Variants in NALF1 observed in about 807,000 individuals in gnomAD.
The protein encoded by NALF1 is family with sequence similarity 155 member A.
NALF1 carries 3 observed loss-of-function variants against 48.4 expected under a neutral mutation model. The ratio of observed to expected loss-of-function variants is 0.06; its 90% CI spans 0.03 to 0.16. The LOEUF (loss-of-function observed/expected upper bound fraction) is 0.16, where lower values mean the gene tolerates loss of function less well. NALF1 is among the 10% of genes least tolerant of loss of function. The pLI is 1.00. For missense variants in NALF1, 526 were observed against 571.5 expected (o/e 0.92, Z 0.81); for synonymous variants, 262 against 245.7 (o/e 1.07, Z -0.62).
chr13:107,449,789 C>G (rs574935593), intron 1 of NALF1, among the ~76,000 whole-genome samples: 2 of 152,138 alleles, frequency 1.3e-5, no homozygotes, highest in Non-Finnish European at 2.9e-5. Context: ...AAATATAGCA[C>G]ATAATTTGAT....
intron 1 of NALF1, among the ~76,000 whole-genome samples, chr13:107,485,777 A>C (rs1357912016): frequency 6.6e-6 from 1 of 152,178 alleles, no homozygotes; most frequent in African/African-American, 2.4e-5. Context: ...AAATTTAACC[A>C]AAATCAAAAA....
At chr13:107,674,412 C>A (rs1003564767) in intron 1 of NALF1, among the ~76,000 whole-genome samples, 53 of 152,348 alleles carry the variant, frequency 3.5e-4, no homozygotes, top group African/African-American at 1.2e-3. Flanking sequence ...GGATCACTCA[C>A]AGGTCTTTGA....
chr13:107,628,809 G>A (rs116763824), intron 1 of NALF1, among the ~76,000 whole-genome samples: 1 of 152,016 alleles, frequency 6.6e-6, no homozygotes, highest in African/African-American at 2.4e-5. Flanking sequence ...AATAATCATG[G>A]CATCTAGACA....
intron 1 of NALF1, among the ~76,000 whole-genome samples, chr13:107,727,199 C>T (rs1876183485): frequency 3.3e-5 from 5 of 151,748 alleles, no homozygotes; most frequent in Admixed American, 3.3e-4. Flanking sequence ...GCCCAAGGCA[C>T]AGCTTGCCAT....
At chr13:107,502,546 A>G (rs1191884879) in intron 1 of NALF1, among the ~76,000 whole-genome samples, 1 of 152,116 alleles carries the variant, frequency 6.6e-6, no homozygotes, top group Non-Finnish European at 1.5e-5. Flanking sequence ...TACCATCACC[A>G]CAGGTTACCT....
intron 1 of NALF1, among the ~76,000 whole-genome samples, chr13:107,286,586 CAA>C (rs1159508752): frequency 8.8e-5 from 9 of 102,098 alleles, no homozygotes; most frequent in Admixed American, 2.0e-4. Context: ...GACCCTGTCT[CAA>C]AAAAAAAAAA....
intron 1 of NALF1, among the ~76,000 whole-genome samples, chr13:107,494,134 T>C (rs1197299343): frequency 2.9e-5 from 4 of 138,676 alleles, no homozygotes; most frequent in Admixed American, 2.1e-4. Flanking sequence ...AAACAGAAGA[T>C]TGTGACATAT....
At chr13:107,323,361 C>G (rs1289853951) in intron 1 of NALF1, among the ~76,000 whole-genome samples, 2 of 152,168 alleles carry the variant, frequency 1.3e-5, no homozygotes, top group Non-Finnish European at 2.9e-5. Flanking sequence ...CTTCAAATCA[C>G]TATTTTAAAA....
intron 1 of NALF1, among the ~76,000 whole-genome samples, chr13:107,467,331 T>C (rs557860569): frequency 6.6e-6 from 1 of 152,346 alleles, no homozygotes; most frequent in African/African-American, 2.4e-5. Context: ...CTTTCATTAC[T>C]AAGAGACTAA....
intron 2 of NALF1, among the ~76,000 whole-genome samples, chr13:107,198,533 T>C (rs936867345): frequency 6.6e-6 from 1 of 152,252 alleles, no homozygotes; most frequent in Non-Finnish European, 1.5e-5. Flanking sequence ...CCAGAACTTC[T>C]GAAGCATGCA....
At chr13:107,782,703 C>A (rs1353763891) in intron 1 of NALF1, among the ~76,000 whole-genome samples, 4 of 150,804 alleles carry the variant, frequency 2.7e-5, no homozygotes, top group African/African-American at 9.8e-5. Context: ...CTTTGCCCCG[C>A]CGCCCCGTCT....
At chr13:107,618,763 G>C (rs34706156) in intron 1 of NALF1, among the ~76,000 whole-genome samples, 2 of 152,146 alleles carry the variant, frequency 1.3e-5, no homozygotes, top group African/African-American at 2.4e-5. Flanking sequence ...GTGTCATTTA[G>C]GGATACGAGG....
chr13:107,579,441 T>C (rs1878239313), intron 1 of NALF1, among the ~76,000 whole-genome samples: 1 of 152,202 alleles, frequency 6.6e-6, no homozygotes. Flanking sequence ...CTGAGGGCAC[T>C]GTGCCCCCTC....
chr13:107,386,125 T>C (rs1169261917), intron 1 of NALF1, among the ~76,000 whole-genome samples: 4 of 152,220 alleles, frequency 2.6e-5, no homozygotes. Flanking sequence ...ATTATCTTCC[T>C]TTACATGTTT....
intron 1 of NALF1, among the ~76,000 whole-genome samples, chr13:107,310,098 G>A (rs1882015726): frequency 6.6e-6 from 1 of 152,004 alleles, no homozygotes; most frequent in East Asian, 1.9e-4. Flanking sequence ...TTAATGTCTT[G>A]ATACTTCAGG....
At chr13:107,199,032 G>C (rs1183416547) in intron 2 of NALF1, among the ~76,000 whole-genome samples, 1 of 151,630 alleles carries the variant, frequency 6.6e-6, no homozygotes, top group Non-Finnish European at 1.5e-5. Context: ...TTTAGGGTGG[G>C]TCCTAGTTCA....
intron 1 of NALF1, among the ~76,000 whole-genome samples, chr13:107,661,418 C>T (rs777530208): frequency 3.3e-5 from 5 of 152,148 alleles, no homozygotes; most frequent in Non-Finnish European, 7.3e-5. Flanking sequence ...TCATATCTTG[C>T]TGTTTATGAC....
chr13:107,350,841 G>A (rs766506153), intron 1 of NALF1, among the ~76,000 whole-genome samples: 1 of 152,196 alleles, frequency 6.6e-6, no homozygotes, highest in Non-Finnish European at 1.5e-5. Context: ...CTTGGGTAGA[G>A]ACACCAGAGA....
intron 1 of NALF1, among the ~76,000 whole-genome samples, chr13:107,745,779 C>T (rs986621220): frequency 6.6e-6 from 1 of 152,202 alleles, no homozygotes; most frequent in Non-Finnish European, 1.5e-5. Flanking sequence ...CTTCTTGGGA[C>T]CTCATCATGC....
Sources: gnomAD v4.1 joint callset for allele counts (sites outside exome capture counted in the v4.1 genomes callset) on GRCh38, gnomAD v4.1.1 for gene constraint, MANE v1.5 for transcripts, NCBI Gene and HGNC (gene_info 2026-07-23, HGNC 2026-07-21) for gene names.